CYP2J2: variants seen among roughly 807,000 people sequenced by gnomAD.
The protein encoded by CYP2J2 is cytochrome P450 family 2 subfamily J member 2.
CYP2J2 carries 41 observed loss-of-function variants against 48.8 expected under a neutral mutation model. That is an observed-to-expected ratio of 0.84 (90% confidence interval 0.66 to 1.09). The LOEUF (loss-of-function observed/expected upper bound fraction) is 1.09, where lower values mean the gene tolerates loss of function less well. Among genes scored for constraint, CYP2J2 ranks in the 50% least tolerant of loss-of-function variants. CYP2J2 has a pLI of 0.00. For missense variants in CYP2J2, 644 were observed against 617.3 expected (o/e 1.04, Z -0.46); for synonymous variants, 221 against 227.1 (o/e 0.97, Z 0.24).
chr1:59,911,366 T>C (rs1049977938), intron 4 of CYP2J2, among the ~76,000 whole-genome samples: 8 of 152,172 alleles, frequency 5.3e-5, no homozygotes, highest in Non-Finnish European at 1.2e-4. Context: ...TGGATAGGCG[T>C]ATGTCATATA....
intron 4 of CYP2J2, among the ~76,000 whole-genome samples, chr1:59,910,921 A>G (rs1644408690): frequency 6.6e-6 from 1 of 152,148 alleles, no homozygotes; most frequent in East Asian, 1.9e-4. Context: ...AAACGGCTAC[A>G]CTCTATGGAA....
chr1:59,897,491 G>C (rs559507782), intron 8 of CYP2J2, among the ~76,000 whole-genome samples: 11 of 152,314 alleles, frequency 7.2e-5, no homozygotes, highest in Admixed American at 2.0e-4. Context: ...AGGACTGTTA[G>C]GTGTCAAAGC....
At chr1:59,961,710 A>AAC in the CYP2J2 span, among the ~76,000 whole-genome samples, 24 of 152,306 alleles carry the variant, frequency 1.6e-4, no homozygotes, top group African/African-American at 5.1e-4. Flanking sequence ...AAAGAGTAGA[A>AAC]ACAACCCAAT....
chr1:59,941,383 G>A, the CYP2J2 span, among the ~76,000 whole-genome samples: 1 of 152,234 alleles, frequency 6.6e-6, no homozygotes, highest in Non-Finnish European at 1.5e-5. Flanking sequence ...TGATGTGAAT[G>A]GACCTATTGT....
Position 59,912,257 on chromosome 1 carries a change from G to A in CYP2J2, c.428C>T (p.Thr143Ile). 6.2e-7 allele frequency: 1 copy of A among 1,613,918 alleles called. No homozygotes were observed. Among genetic ancestry groups the A allele is most frequent in the Non-Finnish European group, 8.5e-7 (1 of 1,179,854 alleles). Residue 143 changes from threonine to isoleucine, a missense_variant, in exon 3 of 9, where the codon ACA becomes ATA. Thr to Ile is a moderately conservative substitution (Grantham distance 89, BLOSUM62 -1). Coordinates refer to ENST00000371204, the MANE Select transcript of CYP2J2 (RefSeq NM_000775.4). ...AWKEQRRFTL[T>I]ALRNFGLGKK... Reference sequence around the variant, plus strand: ...TCCTAAACCAAAGTTCCTTAGTGCTGTCAGAGTGAACCTTCTTTGCTCCTT... The same window carrying A: ...TCCTAAACCAAAGTTCCTTAGTGCTATCAGAGTGAACCTTCTTTGCTCCTT...
At chr1:59,938,913 C>G in the CYP2J2 span, among the ~76,000 whole-genome samples, 4 of 152,330 alleles carry the variant, frequency 2.6e-5, no homozygotes, top group East Asian at 7.7e-4. Flanking sequence ...TGACTTTTAC[C>G]AAGCATACTG....
In CYP2J2 at chr1:59,893,704, C is replaced by A. The variant is rs1171735409; in HGVS notation, c.1456G>T (p.Gly486Cys). 6.2e-7 allele frequency: 1 copy of A among 1,613,240 alleles called. No homozygotes were observed. The highest frequency in any genetic ancestry group is 8.5e-7 in the Non-Finnish European group (1 of 1,179,682). The change falls in exon 9 of 9, where the codon GGT (glycine) becomes TGT (cysteine). Residue 486 changes from glycine to cysteine, a missense_variant. By Grantham distance (159) the Gly-to-Cys change is radical. Coordinates refer to ENST00000371204, the MANE Select transcript of CYP2J2 (RefSeq NM_000775.4). ...TGACTGACTGGGGAAATGGTGATAC[C>A]CATTCTAAACTTCAGGCTCAGCTTC... ...NEKLSLKFRM[G>C]ITISPVSHRL...
In CYP2J2 at chr1:59,915,939, A is replaced by G. The variant is rs569299576; in HGVS notation, c.372T>C (p.Asn124=). The stretch of plus-strand genomic sequence containing the variant: ...CCTTTCGTTGGCCAAGAAACTTACC[A>G]TTTTTCTTAAAGATATGTTCTCGCA... ...TPMREHIFKK[N]GLIMSSGQAW... The change falls in exon 2 of 9, where the codon AAT becomes AAC. Residue 124 remains asparagine, a splice_region_variant and synonymous_variant. Coordinates refer to ENST00000371204, the MANE Select transcript of CYP2J2 (RefSeq NM_000775.4). 42 of 1,611,628 alleles carry G rather than the reference A, an allele frequency of 2.6e-5. No homozygotes were observed. The highest frequency in any genetic ancestry group is 3.4e-5 in the Non-Finnish European group (40 of 1,179,192).
chr1:59,909,022 A>G (rs553774390), intron 5 of CYP2J2, among the ~76,000 whole-genome samples: 421 of 152,262 alleles, frequency 2.8e-3, no homozygotes, highest in Non-Finnish European at 4.7e-3. Context: ...AGCTTTGAGG[A>G]TTAACTGCTA....
intron 8 of CYP2J2, among the ~76,000 whole-genome samples, chr1:59,894,200 A>C (rs181475198): frequency 6.2e-4 from 95 of 152,262 alleles, no homozygotes; most frequent in African/African-American, 2.2e-3. Context: ...AAAACAACCA[A>C]ATATGTTCAC....
the CYP2J2 span, among the ~76,000 whole-genome samples, chr1:59,938,951 A>T: frequency 3.9e-5 from 6 of 152,214 alleles, no homozygotes; most frequent in African/African-American, 1.4e-4. Context: ...AACAAAGCAC[A>T]TCCTGCATAG....
intron 5 of CYP2J2, among the ~76,000 whole-genome samples, chr1:59,908,716 C>T (rs1386375913): frequency 6.6e-6 from 1 of 152,164 alleles, no homozygotes; most frequent in Non-Finnish European, 1.5e-5. Flanking sequence ...CTTTCCACTC[C>T]AGAAGTAGGA....
intron 1 of CYP2J2, among the ~76,000 whole-genome samples, chr1:59,919,801 T>C (rs1644498136): frequency 6.6e-6 from 1 of 152,176 alleles, no homozygotes; most frequent in African/African-American, 2.4e-5. Flanking sequence ...GTCTCACAGG[T>C]AGTTCTTGGG....
the CYP2J2 span, among the ~76,000 whole-genome samples, chr1:59,939,573 A>G: frequency 1.2e-4 from 19 of 152,172 alleles, no homozygotes; most frequent in African/African-American, 4.3e-4. Context: ...AAGGTCTGCT[A>G]TAACCATTCC....
chr1:59,912,340 A>G (rs1435024311), intron 2 of CYP2J2, 29 bp from the exon 3 acceptor site: 2 of 1,595,702 alleles, frequency 1.3e-6, no homozygotes, highest in Non-Finnish European at 1.7e-6. Context: ...ACATTACAGT[A>G]TTCTGATTCC....
chr1:59,916,053 T>C lies in CYP2J2; in HGVS notation c.258A>G (p.Ile86Met), dbSNP rs371614894. 3 of 1,613,580 alleles carry C rather than the reference T, an allele frequency of 1.9e-6. No homozygotes were observed. The highest frequency in any genetic ancestry group is 2.5e-6 in the Non-Finnish European group (3 of 1,179,776). ...GNLFSLELGD[I>M]SAVLITGLPL... ...GCAAGCCAGTAATAAGAACTGCAGA[T>C]ATGTCACCAAGCTCCAAGCTAAAAA... The change falls in exon 2 of 9, where the codon ATA becomes ATG. Residue 86 changes from isoleucine to methionine, a missense_variant. Coordinates refer to ENST00000371204, the MANE Select transcript of CYP2J2 (RefSeq NM_000775.4).
intron 2 of CYP2J2, among the ~76,000 whole-genome samples, chr1:59,914,607 T>G (rs1222686427): frequency 6.6e-6 from 1 of 152,176 alleles, no homozygotes; most frequent in Non-Finnish European, 1.5e-5. Flanking sequence ...CAAGCAGTAT[T>G]CTTGGTAAAA....
the CYP2J2 span, among the ~76,000 whole-genome samples, chr1:59,967,592 G>C: frequency 1.3e-5 from 2 of 152,142 alleles, no homozygotes; most frequent in African/African-American, 4.8e-5. Flanking sequence ...TCGTCTTTCT[G>C]AGCATATATC....
the CYP2J2 span, among the ~76,000 whole-genome samples, chr1:59,936,147 T>A: frequency 6.6e-6 from 1 of 152,206 alleles, no homozygotes; most frequent in Admixed American, 6.5e-5. Context: ...TGGGCCTTTT[T>A]ACAGTAACTA....
Sources: gnomAD v4.1 joint callset for allele counts (sites outside exome capture counted in the v4.1 genomes callset) on GRCh38, gnomAD v4.1.1 for gene constraint, MANE v1.5 for transcripts, NCBI Gene and HGNC (gene_info 2026-07-23, HGNC 2026-07-21) for gene names.